ADD3: variants seen among roughly 807,000 people sequenced by gnomAD.
The protein encoded by ADD3 is gamma-adducin.
A neutral mutation model predicts 80.2 loss-of-function variants in ADD3; 25 were observed. The observed-to-expected ratio is 0.31, with a 90% confidence interval of 0.23 to 0.44. The LOEUF is 0.44. Among genes scored for constraint, ADD3 ranks in the 20% least tolerant of loss-of-function variants. ADD3 has a pLI of 1.00. For synonymous variants in ADD3, 284 were observed against 289.6 expected (o/e 0.98, Z 0.20); for missense variants, 829 against 847.5 (o/e 0.98, Z 0.27).
At chr10:110,120,949 G>A (rs1851418239) in intron 8 of ADD3, among the ~76,000 whole-genome samples, 1 of 151,946 alleles carries the variant, frequency 6.6e-6, no homozygotes, top group South Asian at 2.1e-4. Context: ...CTAGCCATAT[G>A]TAGAAAGCTG....
chr10:110,099,688 T>A (rs913301782), intron 1 of ADD3, among the ~76,000 whole-genome samples: 1 of 152,230 alleles, frequency 6.6e-6, no homozygotes, highest in Non-Finnish European at 1.5e-5. Flanking sequence ...TAATGTTTTT[T>A]AAACATGCAT....
chr10:110,114,813 C>A (rs1022991773), intron 3 of ADD3, among the ~76,000 whole-genome samples: 4 of 152,174 alleles, frequency 2.6e-5, no homozygotes, highest in African/African-American at 9.7e-5. Flanking sequence ...CACAGTGGCT[C>A]ATGTCTGTAA....
chr10:110,062,705 T>C (rs1859077438), intron 1 of ADD3, among the ~76,000 whole-genome samples: 1 of 152,250 alleles, frequency 6.6e-6, no homozygotes, highest in African/African-American at 2.4e-5. Flanking sequence ...TAGTTTTTTC[T>C]AGGAATCTTC....
chr10:110,049,603 T>C (rs1857269573), intron 1 of ADD3, among the ~76,000 whole-genome samples: 1 of 152,142 alleles, frequency 6.6e-6, no homozygotes, highest in Admixed American at 6.5e-5. Context: ...ATTTGACTGC[T>C]CTGGCCAGGC....
chr10:110,103,945 CTCT>C (rs1327070689), intron 2 of ADD3, among the ~76,000 whole-genome samples: 1 of 152,140 alleles, frequency 6.6e-6, no homozygotes, highest in African/African-American at 2.4e-5. Flanking sequence ...GCAAAATACA[CTCT>C]TCTTCTCCTA....
intron 1 of ADD3, among the ~76,000 whole-genome samples, chr10:110,020,341 G>C (rs899944625): frequency 6.6e-6 from 1 of 152,168 alleles, no homozygotes; most frequent in South Asian, 2.1e-4. Flanking sequence ...AGTGATAAAT[G>C]TTATGGAGCA....
intron 1 of ADD3, among the ~76,000 whole-genome samples, chr10:110,063,752 T>TA (rs1554926999): frequency 5.8e-5 from 3 of 52,002 alleles, no homozygotes; most frequent in African/African-American, 1.8e-4. Context: ...TATATATATA[T>TA]ATATATATAT....
intron 1 of ADD3, among the ~76,000 whole-genome samples, chr10:110,017,022 A>G (rs1206484476): frequency 1.3e-5 from 2 of 152,196 alleles, no homozygotes; most frequent in African/African-American, 4.8e-5. Flanking sequence ...ATTAGTAATC[A>G]TTTTTGTTAG....
chr10:110,087,387 AT>A (rs1399539736), intron 1 of ADD3, among the ~76,000 whole-genome samples: 2 of 152,162 alleles, frequency 1.3e-5, no homozygotes, highest in African/African-American at 4.8e-5. Flanking sequence ...ATTCCGTAGT[AT>A]TTTATGATTT....
At chr10:110,036,949 G>A (rs1306490000) in intron 1 of ADD3, among the ~76,000 whole-genome samples, 1 of 152,096 alleles carries the variant, frequency 6.6e-6, no homozygotes, top group African/African-American at 2.4e-5. Flanking sequence ...CTTTTTACCT[G>A]GGACACGGTT....
chr10:110,057,450 A>G (rs1280634463), intron 1 of ADD3, among the ~76,000 whole-genome samples: 2 of 152,124 alleles, frequency 1.3e-5, no homozygotes, highest in Non-Finnish European at 2.9e-5. Context: ...GGGCTAAGCT[A>G]CCACTCCTAG....
intron 1 of ADD3, among the ~76,000 whole-genome samples, chr10:110,010,870 C>T (rs1852255932): frequency 1.3e-5 from 2 of 152,140 alleles, no homozygotes; most frequent in African/African-American, 4.8e-5. Flanking sequence ...AGTATTCCCA[C>T]GACTATCAGG....
intron 1 of ADD3, among the ~76,000 whole-genome samples, chr10:110,011,366 T>C (rs2132958581): frequency 6.6e-6 from 1 of 152,390 alleles, no homozygotes; most frequent in South Asian, 2.1e-4. Flanking sequence ...TTCACCATTG[T>C]AGTTGATATG....
At chr10:110,018,987 A>G (rs759194161) in intron 1 of ADD3, among the ~76,000 whole-genome samples, 14 of 152,194 alleles carry the variant, frequency 9.2e-5, no homozygotes, top group Non-Finnish European at 1.9e-4. Context: ...TAATAGAAAG[A>G]CTTTAGGAAT....
intron 3 of ADD3, 103 bp from the exon 4 acceptor site, chr10:110,116,156 A>C (rs896382142): frequency 4.2e-5 from 45 of 1,072,762 alleles, no homozygotes; most frequent in Non-Finnish European, 5.5e-5. Flanking sequence ...ATTATTATAT[A>C]CAAGGCTGGG....
intron 1 of ADD3, among the ~76,000 whole-genome samples, chr10:110,048,600 G>C (rs1438400420): frequency 6.6e-6 from 1 of 151,922 alleles, no homozygotes; most frequent in East Asian, 1.9e-4. Flanking sequence ...TGACTCTTCT[G>C]TGTTTTAGCA....
intron 1 of ADD3, among the ~76,000 whole-genome samples, chr10:109,999,374 A>G (rs577447035): frequency 7.2e-5 from 11 of 152,260 alleles, no homozygotes; most frequent in African/African-American, 2.6e-4. Context: ...TCCTCCTGCC[A>G]CCGCCATCAC....
At chr10:110,014,369 T>C (rs1419964093) in intron 1 of ADD3, among the ~76,000 whole-genome samples, 1 of 152,216 alleles carries the variant, frequency 6.6e-6, no homozygotes, top group Non-Finnish European at 1.5e-5. Context: ...GTGCCTTGGA[T>C]GAGTGGAATG....
At chr10:110,026,278 T>C (rs1854289599) in intron 1 of ADD3, among the ~76,000 whole-genome samples, 2 of 141,814 alleles carry the variant, frequency 1.4e-5, no homozygotes, top group African/African-American at 5.9e-5. Context: ...ACCCCAGTTT[T>C]CTTGTTTTTT....
Sources: allele counts gnomAD v4.1 joint callset (sites outside exome capture counted in the v4.1 genomes callset), GRCh38; gene constraint gnomAD v4.1.1; transcripts MANE v1.5; gene names NCBI Gene and HGNC (gene_info 2026-07-23, HGNC 2026-07-21).